SAMTOR: variants seen among roughly 807,000 people sequenced by gnomAD.
SAMTOR encodes S-adenosylmethionine sensor upstream of mTORC1, also known as UPF0532 protein C7orf60.
At chr7:112,871,727 C>T in the SAMTOR span, among the ~76,000 whole-genome samples, 5 of 144,870 alleles carry the variant, frequency 3.5e-5, no homozygotes, top group African/African-American at 1.4e-4. Context: ...ATAGCATAAA[C>T]AAGATTGACA....
At chr7:112,919,180 T>C in the SAMTOR span, among the ~76,000 whole-genome samples, 10,760 of 152,140 alleles carry the variant, frequency 0.071, 442 homozygotes, top group South Asian at 0.13. Context: ...TATTCCAAAA[T>C]TGACCACATA....
At chr7:112,922,169 G>C in the SAMTOR span, among the ~76,000 whole-genome samples, 3 of 152,206 alleles carry the variant, frequency 2.0e-5, no homozygotes, top group African/African-American at 7.2e-5. Context: ...TGTTGGCCGG[G>C]CTGGTCTCCA....
the SAMTOR span, among the ~76,000 whole-genome samples, chr7:112,827,568 C>A: frequency 3.3e-5 from 5 of 152,152 alleles, no homozygotes; most frequent in Non-Finnish European, 7.3e-5. Context: ...ATACCCAAAT[C>A]CACGTTCAAG....
At chr7:112,917,105 T>C in the SAMTOR span, among the ~76,000 whole-genome samples, 9 of 152,200 alleles carry the variant, frequency 5.9e-5, no homozygotes, top group African/African-American at 2.2e-4. Context: ...GCAGTGGTTC[T>C]CCCAGCACGC....
chr7:112,931,511 CCAA>C, the SAMTOR span, among the ~76,000 whole-genome samples: 1 of 152,126 alleles, frequency 6.6e-6, no homozygotes, highest in African/African-American at 2.4e-5. Context: ...ACCAATGTCA[CCAA>C]CATGTTATTC....
the SAMTOR span, among the ~76,000 whole-genome samples, chr7:112,917,166 C>G: frequency 7.2e-5 from 11 of 152,314 alleles, no homozygotes; most frequent in East Asian, 2.1e-3. Context: ...GGTCCCTGAC[C>G]CCTGACCCCC....
chr7:112,824,269 GA>G, the SAMTOR span, among the ~76,000 whole-genome samples: 3 of 152,076 alleles, frequency 2.0e-5, no homozygotes, highest in Non-Finnish European at 4.4e-5. Flanking sequence ...AGGTCATAAA[GA>G]CTTTTTTTCA....
chr7:112,934,353 C>T, the SAMTOR span, among the ~76,000 whole-genome samples: 1 of 152,212 alleles, frequency 6.6e-6, no homozygotes, highest in East Asian at 1.9e-4. Context: ...CAAACTAAAT[C>T]ATTACCATTA....
At chr7:112,821,704 G>GC in the SAMTOR span, 1 of 1,534,210 alleles carries the variant, frequency 6.5e-7, no homozygotes, top group Non-Finnish European at 8.7e-7. Flanking sequence ...TAAGCAATTA[G>GC]TTTAGGAGCC....
chr7:112,894,461 T>C, the SAMTOR span, among the ~76,000 whole-genome samples: 1 of 152,174 alleles, frequency 6.6e-6, no homozygotes, highest in African/African-American at 2.4e-5. Flanking sequence ...TGCGTTTTCA[T>C]GCTGCTGATA....
At chr7:112,832,012 C>CTTTTTT in the SAMTOR span, among the ~76,000 whole-genome samples, 1 of 131,092 alleles carries the variant, frequency 7.6e-6, no homozygotes, top group Admixed American at 7.7e-5. Context: ...ACTGAAGTTT[C>CTTTTTT]TTTTTTTTTT....
the SAMTOR span, among the ~76,000 whole-genome samples, chr7:112,882,702 G>A: frequency 1.4e-5 from 2 of 139,666 alleles, no homozygotes; most frequent in Admixed American, 7.4e-5. Context: ...AACAACCAAC[G>A]AACCAACCAA....
chr7:112,873,877 T>C, the SAMTOR span, among the ~76,000 whole-genome samples: 5,135 of 152,042 alleles, frequency 0.034, 164 homozygotes, highest in African/African-American at 0.075. Flanking sequence ...CAAATTACCC[T>C]ATTAAAAAGT....
the SAMTOR span, among the ~76,000 whole-genome samples, chr7:112,868,688 C>A: frequency 6.6e-6 from 1 of 152,318 alleles, no homozygotes; most frequent in African/African-American, 2.4e-5. Flanking sequence ...GCAGCCACTG[C>A]AGACATTTTA....
chr7:112,915,294 A>C, the SAMTOR span: 1 of 1,592,752 alleles, frequency 6.3e-7, no homozygotes, highest in East Asian at 2.3e-5. Flanking sequence ...GTTAATTCAT[A>C]AAAGTACTTA....
the SAMTOR span, among the ~76,000 whole-genome samples, chr7:112,928,149 A>C: frequency 2.0e-5 from 3 of 152,056 alleles, no homozygotes; most frequent in African/African-American, 7.2e-5. Flanking sequence ...GTAAAAAAAC[A>C]AGTACAAGGA....
the SAMTOR span, among the ~76,000 whole-genome samples, chr7:112,870,874 G>A: frequency 6.6e-6 from 1 of 151,518 alleles, no homozygotes; most frequent in African/African-American, 2.4e-5. Context: ...AAAAAAACAG[G>A]GGTCACTATT....
chr7:112,888,277 T>A, the SAMTOR span, among the ~76,000 whole-genome samples: 1 of 152,200 alleles, frequency 6.6e-6, no homozygotes, highest in Non-Finnish European at 1.5e-5. Flanking sequence ...TCTGTTGTAG[T>A]GTGAGAGAAG....
At chr7:112,837,254 T>C in the SAMTOR span, among the ~76,000 whole-genome samples, 3 of 152,132 alleles carry the variant, frequency 2.0e-5, no homozygotes, top group East Asian at 5.8e-4. Context: ...TCTTGATGTA[T>C]AGGAATGCTG....
Sources: gnomAD v4.1 joint callset for allele counts (sites outside exome capture counted in the v4.1 genomes callset) on GRCh38, gnomAD v4.1.1 for gene constraint, MANE v1.5 for transcripts, NCBI Gene and HGNC (gene_info 2026-07-23, HGNC 2026-07-21) for gene names.